Variants in SLC24A2 observed in about 807,000 individuals in gnomAD.
The protein encoded by SLC24A2 is sodium/potassium/calcium exchanger 2.
In SLC24A2, 36 loss-of-function variants were observed where a neutral mutation model predicts 62.0. The observed-to-expected ratio is 0.58, with a 90% CI of 0.44 to 0.77. The LOEUF (loss-of-function observed/expected upper bound fraction) is 0.77. SLC24A2 is among the 30% of genes least tolerant of loss of function. SLC24A2 has a pLI of 0.00. For synonymous variants in SLC24A2, 358 were observed against 294.0 expected, an observed-to-expected ratio of 1.22 and a Z score of -2.23; for missense variants, 846 against 817.9, an observed-to-expected ratio of 1.03 and a Z score of -0.42.
At chr9:20,199,338 C>T in the SLC24A2 span, among the ~76,000 whole-genome samples, 1 of 152,200 alleles carries the variant, frequency 6.6e-6, no homozygotes, top group African/African-American at 2.4e-5. Context: ...TGTGCTGAGA[C>T]AGGCACTGTA....
At chr9:19,851,697 A>T in the SLC24A2 span, among the ~76,000 whole-genome samples, 1 of 152,162 alleles carries the variant, frequency 6.6e-6, no homozygotes, top group African/African-American at 2.4e-5. Flanking sequence ...CATGGTGTGT[A>T]TGTACCACAT....
chr9:19,726,555 C>G (rs888399055), intron 2 of SLC24A2, among the ~76,000 whole-genome samples: 1 of 152,136 alleles, frequency 6.6e-6, no homozygotes, highest in Admixed American at 6.6e-5. Context: ...TCCTGGAGAC[C>G]TCAGCAACCT....
At chr9:20,176,564 A>G in the SLC24A2 span, among the ~76,000 whole-genome samples, 1 of 152,102 alleles carries the variant, frequency 6.6e-6, no homozygotes, top group Non-Finnish European at 1.5e-5. Flanking sequence ...GGAAACAGCA[A>G]TGGCTGGAAA....
chr9:20,273,560 C>T, the SLC24A2 span, among the ~76,000 whole-genome samples: 9 of 152,240 alleles, frequency 5.9e-5, no homozygotes, highest in South Asian at 2.1e-4. Context: ...GTGTTAAAAA[C>T]GAGAGTTTCT....
the SLC24A2 span, among the ~76,000 whole-genome samples, chr9:20,213,213 T>G: frequency 1.1e-4 from 17 of 151,904 alleles, 1 homozygote; most frequent in African/African-American, 3.6e-4. Flanking sequence ...TTCCACCCAT[T>G]TGGAAGTTTT....
At chr9:20,273,493 G>C in the SLC24A2 span, among the ~76,000 whole-genome samples, 1 of 152,118 alleles carries the variant, frequency 6.6e-6, no homozygotes, top group Admixed American at 6.6e-5. Flanking sequence ...GAATCATGGA[G>C]GCGAGTCTTT....
chr9:19,664,074 A>T, intron 2 of SLC24A2, among the ~76,000 whole-genome samples: 1 of 152,168 alleles, frequency 6.6e-6, no homozygotes, highest in East Asian at 1.9e-4. Flanking sequence ...TTCCTCAATC[A>T]GTTTCTCTGC....
the SLC24A2 span, among the ~76,000 whole-genome samples, chr9:20,214,389 G>A: frequency 3.7e-4 from 57 of 152,190 alleles, 1 homozygote; most frequent in Middle Eastern, 0.01. Context: ...CAAGGCAGGC[G>A]GATCACAAGG....
intron 2 of SLC24A2, among the ~76,000 whole-genome samples, chr9:19,729,391 G>T (rs922749255): frequency 6.6e-6 from 1 of 152,300 alleles, no homozygotes; most frequent in Admixed American, 6.5e-5. Context: ...AGAAAGGAAA[G>T]AAGTGTATTG....
chr9:19,735,752 G>A (rs556477491), intron 2 of SLC24A2, among the ~76,000 whole-genome samples: 5 of 151,352 alleles, frequency 3.3e-5, no homozygotes, highest in Non-Finnish European at 7.4e-5. Flanking sequence ...GCAAACTATC[G>A]CAAGGACAAA....
At chr9:20,197,355 C>T in the SLC24A2 span, among the ~76,000 whole-genome samples, 2 of 151,708 alleles carry the variant, frequency 1.3e-5, no homozygotes, top group South Asian at 2.1e-4. Flanking sequence ...TAGTTTAGGG[C>T]CATTTTCACC....
chr9:20,230,909 C>G, the SLC24A2 span, among the ~76,000 whole-genome samples: 6 of 152,076 alleles, frequency 3.9e-5, no homozygotes, highest in Admixed American at 3.9e-4. Flanking sequence ...TTAATTTTTG[C>G]ATAACGTGTA....
chr9:20,063,846 T>G, the SLC24A2 span, among the ~76,000 whole-genome samples: 2 of 152,056 alleles, frequency 1.3e-5, no homozygotes, highest in Admixed American at 1.3e-4. Flanking sequence ...TAAAATGGTA[T>G]GTGAAAAAAT....
chr9:20,269,499 GA>G, the SLC24A2 span, among the ~76,000 whole-genome samples: 1 of 152,162 alleles, frequency 6.6e-6, no homozygotes, highest in East Asian at 1.9e-4. Flanking sequence ...GGTACAGTAA[GA>G]AGGGGCACGA....
At chr9:20,028,776 C>A in the SLC24A2 span, among the ~76,000 whole-genome samples, 1 of 152,196 alleles carries the variant, frequency 6.6e-6, no homozygotes, top group Non-Finnish European at 1.5e-5. Flanking sequence ...TGATTCCGGG[C>A]TTTGTAAATC....
chr9:19,646,673 C>CA (rs1370753712), intron 2 of SLC24A2, among the ~76,000 whole-genome samples: 1 of 152,140 alleles, frequency 6.6e-6, no homozygotes, highest in African/African-American at 2.4e-5. Context: ...AAGATATAAA[C>CA]AGAGTCTCTC....
the SLC24A2 span, among the ~76,000 whole-genome samples, chr9:20,205,663 A>G: frequency 6.6e-6 from 1 of 151,142 alleles, no homozygotes; most frequent in Admixed American, 6.6e-5. Context: ...AAAAAAAAAA[A>G]AAAAAAAAAA....
intron 2 of SLC24A2, among the ~76,000 whole-genome samples, chr9:19,676,811 G>A (rs954791790): frequency 6.6e-6 from 1 of 152,130 alleles, no homozygotes; most frequent in Admixed American, 6.5e-5. Flanking sequence ...TTATTTAATA[G>A]TTAATTTCTT....
chr9:19,825,791 A>G, the SLC24A2 span, among the ~76,000 whole-genome samples: 1 of 152,028 alleles, frequency 6.6e-6, no homozygotes, highest in Non-Finnish European at 1.5e-5. Context: ...TTTTGCTTGT[A>G]GGGATCATGT....
Sources: allele counts gnomAD v4.1 joint callset (sites outside exome capture counted in the v4.1 genomes callset), GRCh38; gene constraint gnomAD v4.1.1; transcripts MANE v1.5; gene names NCBI Gene and HGNC (gene_info 2026-07-23, HGNC 2026-07-21).